Variants in BICC1 observed in about 807,000 individuals in gnomAD.
BICC1 encodes BicC family RNA binding protein 1, also known as protein bicaudal C homolog 1.
In BICC1, 43 loss-of-function variants were observed where a neutral mutation model predicts 111.0. The ratio of observed to expected loss-of-function variants is 0.39; its 90% CI spans 0.30 to 0.50. The LOEUF (loss-of-function observed/expected upper bound fraction) is 0.50. Among genes scored for constraint, BICC1 ranks in the 20% least tolerant of loss-of-function variants. The probability of loss-of-function intolerance (pLI) is 0.88; values close to 1 mark genes in which losing one functional copy is unlikely to be tolerated. For synonymous variants in BICC1, 467 were observed against 434.4 expected (o/e 1.07, Z -0.93); for missense variants, 1,091 against 1,203.2 (o/e 0.91, Z 1.38).
intron 3 of BICC1, among the ~76,000 whole-genome samples, chr10:58,751,189 T>C (rs1369516831): frequency 6.6e-6 from 1 of 152,098 alleles, no homozygotes; most frequent in Non-Finnish European, 1.5e-5. Flanking sequence ...AATAAGGTTG[T>C]TTTTCTTGCT....
At chr10:58,661,415 C>T (rs1481882716) in intron 2 of BICC1, among the ~76,000 whole-genome samples, 1 of 152,084 alleles carries the variant, frequency 6.6e-6, no homozygotes, top group African/African-American at 2.4e-5. Context: ...TAGAGGGTCA[C>T]TGGCCTAGAT....
chr10:58,551,982 C>G (rs573976960), intron 1 of BICC1, among the ~76,000 whole-genome samples: 1 of 151,912 alleles, frequency 6.6e-6, no homozygotes, highest in South Asian at 2.1e-4. Context: ...GATAGACTCT[C>G]CCTTCTTTTT....
chr10:58,670,630 C>T (rs558256660), intron 2 of BICC1, among the ~76,000 whole-genome samples: 1 of 152,220 alleles, frequency 6.6e-6, no homozygotes, highest in African/African-American at 2.4e-5. Flanking sequence ...ATGGCAGTGC[C>T]ATTTACTGAA....
chr10:58,666,125 A>G (rs1219158189), intron 2 of BICC1, among the ~76,000 whole-genome samples: 1 of 152,246 alleles, frequency 6.6e-6, no homozygotes, highest in African/African-American at 2.4e-5. Context: ...CAGCAGATTC[A>G]GAGACTCCAG....
intron 1 of BICC1, among the ~76,000 whole-genome samples, chr10:58,570,356 G>A (rs562245618): frequency 6.6e-6 from 1 of 152,304 alleles, no homozygotes; most frequent in African/African-American, 2.4e-5. Context: ...GTTATGTGAT[G>A]CCAGCATGTG....
chr10:58,634,700 C>T (rs112295721), intron 2 of BICC1, among the ~76,000 whole-genome samples: 1,629 of 152,222 alleles, frequency 0.011, 32 homozygotes, highest in African/African-American at 0.037. Context: ...CCCCACTGTG[C>T]AGTCAAAAAT....
chr10:58,795,954 A>G lies in BICC1; in HGVS notation c.1180-386A>G, dbSNP rs975573129. Among the ~76,000 whole-genome samples the G allele has an allele frequency of 3.3e-5, 5 of 152,114 alleles. No individual in the cohort carries two copies. In the South Asian group the frequency reaches 6.2e-4, roughly 19 times the overall value. On this transcript the variant is annotated intron_variant, in intron 9 of 20. Coordinates refer to ENST00000373886, the MANE Select transcript of BICC1 (RefSeq NM_001080512.3). The stretch of plus-strand genomic sequence containing the variant: ...TTTAGTGTAAAGATGAGGGGCTGTA[A>G]AAAGGGAACCCAGGTTCCCATCCTC...
chr10:58,580,077 T>G (rs563409928), intron 1 of BICC1, among the ~76,000 whole-genome samples: 1 of 151,420 alleles, frequency 6.6e-6, no homozygotes, highest in South Asian at 2.1e-4. Context: ...CAGGCTGGAA[T>G]GCAGTGGTGT....
intron 3 of BICC1, among the ~76,000 whole-genome samples, chr10:58,714,033 G>A (rs532899305): frequency 1.3e-5 from 2 of 152,268 alleles, no homozygotes; most frequent in East Asian, 1.9e-4. Flanking sequence ...GGCATCTAGA[G>A]GGTAGAGCCG....
chr10:58,614,088 T>C (rs944336224), intron 1 of BICC1, among the ~76,000 whole-genome samples: 3 of 152,180 alleles, frequency 2.0e-5, no homozygotes, highest in African/African-American at 7.2e-5. Context: ...TTGATACTAA[T>C]GAATGCAGAC....
intron 20 of BICC1, among the ~76,000 whole-genome samples, chr10:58,827,566 GT>G (rs2133000830): frequency 6.6e-6 from 1 of 152,324 alleles, no homozygotes; most frequent in South Asian, 2.1e-4. Context: ...GGCGATGCAT[GT>G]TTCTGAACCA....
Position 58,828,760 on chromosome 10 carries a change from G to T in BICC1, c.2795-1G>T, listed in dbSNP as rs773328701. On this transcript the variant is annotated splice_acceptor_variant, in intron 20 of 20. Transcript: ENST00000373886. LOFTEE classifies it high-confidence loss of function. ...TAACAATTCTCTCTTTCTCTCTCTA[G>T]AACTAAATAAAAACCGAAGAAAGCT... is the stretch of plus-strand genomic sequence containing the variant. 6.2e-7 allele frequency: 1 copy of T among 1,613,092 alleles called. No individual in the cohort carries two copies. The highest frequency in any genetic ancestry group is 8.5e-7 in the Non-Finnish European group (1 of 1,179,496).
chr10:58,682,189 A>G (rs1033905190), intron 2 of BICC1, among the ~76,000 whole-genome samples: 2 of 152,116 alleles, frequency 1.3e-5, no homozygotes, highest in African/African-American at 4.8e-5. Context: ...CCTACAAAGG[A>G]CATGAACTCA....
chr10:58,826,520 G>A (rs765193141), intron 20 of BICC1, among the ~76,000 whole-genome samples: 10 of 150,670 alleles, frequency 6.6e-5, no homozygotes, highest in Non-Finnish European at 1.2e-4. Flanking sequence ...GGGAGGCCAA[G>A]GCGGGTGGAT....
At position 58,808,019 on chromosome 10, in the gene BICC1, C is replaced by T. The variant is rs1375449525; in HGVS notation, c.2376+861C>T. Among the ~76,000 whole-genome samples, 9 of 151,706 alleles carry T rather than the reference C, an allele frequency of 5.9e-5. No homozygotes were observed. The East Asian group carries it at 1.7e-3, about 29-fold the overall frequency. The stretch of plus-strand genomic sequence containing the variant: ...CATTTGTAGATTGACCTTTTCTCCA[C>T]CCATTTGCTTTGTAATAAATTAGGC... On this transcript the variant is annotated intron_variant, in intron 17 of 20. Coordinates refer to ENST00000373886, the MANE Select transcript of BICC1 (RefSeq NM_001080512.3).
intron 2 of BICC1, among the ~76,000 whole-genome samples, chr10:58,688,474 C>T (rs1253383424): frequency 1.3e-5 from 2 of 152,092 alleles, no homozygotes; most frequent in African/African-American, 4.8e-5. Flanking sequence ...CTCCAAGTCC[C>T]CCCCTGACCC....
intron 3 of BICC1, among the ~76,000 whole-genome samples, chr10:58,735,891 A>G (rs1841451460): frequency 1.3e-5 from 2 of 152,206 alleles, no homozygotes; most frequent in Admixed American, 6.5e-5. Flanking sequence ...TAAACTTGGG[A>G]TCTCCTCCTA....
intron 3 of BICC1, among the ~76,000 whole-genome samples, chr10:58,746,479 T>G (rs149984056): frequency 6.6e-6 from 1 of 152,278 alleles, no homozygotes; most frequent in African/African-American, 2.4e-5. Flanking sequence ...ACCTTCTTCC[T>G]TAATTAAAAT....
At chr10:58,734,795 A>T (rs1442424019) in intron 3 of BICC1, among the ~76,000 whole-genome samples, 1 of 152,176 alleles carries the variant, frequency 6.6e-6, no homozygotes, top group Non-Finnish European at 1.5e-5. Context: ...ATATCAAGAA[A>T]TTGTGGTTTT....
Sources: gnomAD v4.1 joint callset for allele counts (sites outside exome capture counted in the v4.1 genomes callset) on GRCh38, gnomAD v4.1.1 for gene constraint, MANE v1.5 for transcripts, NCBI Gene and HGNC (gene_info 2026-07-23, HGNC 2026-07-21) for gene names.